The following ZCCHC7 variants were observed in gnomAD, a reference collection of about 807,000 sequenced individuals.
The protein encoded by ZCCHC7 is zinc finger CCHC-type containing 7, also known as zinc finger CCHC domain-containing protein 7.
A neutral mutation model predicts 52.0 loss-of-function variants in ZCCHC7; 35 were observed. That is an observed-to-expected ratio of 0.67 (90% CI 0.51 to 0.89). The LOEUF is 0.89. Ranked by LOEUF, ZCCHC7 falls within the 40% of genes least tolerant of loss-of-function variation. The pLI, the probability that ZCCHC7 is intolerant of heterozygous loss-of-function variation, is 0.00. For missense variants in ZCCHC7, 574 were observed against 649.1 expected, an observed-to-expected ratio of 0.88 and a Z score of 1.26; for synonymous variants, 217 against 221.5, an observed-to-expected ratio of 0.98 and a Z score of 0.18.
chr9:37,166,755 C>G (rs1363112687), intron 2 of ZCCHC7, among the ~76,000 whole-genome samples: 1 of 152,024 alleles, frequency 6.6e-6, no homozygotes, highest in Non-Finnish European at 1.5e-5. Flanking sequence ...TTTATTTTCT[C>G]TTTGTTCAAA....
chr9:37,205,119 T>C, intron 2 of ZCCHC7: 1 of 192,042 alleles, frequency 5.2e-6, no homozygotes, highest in South Asian at 1.0e-4. Flanking sequence ...TTAAGTGTGC[T>C]TTAGCACCTG....
chr9:37,253,507 C>T (rs924569965), intron 2 of ZCCHC7, among the ~76,000 whole-genome samples: 11 of 151,950 alleles, frequency 7.2e-5, no homozygotes, highest in African/African-American at 2.7e-4. Context: ...ACAGATGTGA[C>T]TGAAACACAT....
At chr9:37,122,612 C>CA (rs911496259) in intron 1 of ZCCHC7, among the ~76,000 whole-genome samples, 1 of 152,156 alleles carries the variant, frequency 6.6e-6, no homozygotes, top group Non-Finnish European at 1.5e-5. Flanking sequence ...GGTTTTTCTT[C>CA]AAAAAATCTT....
intron 2 of ZCCHC7, chr9:37,205,454 T>C (rs1823853930): frequency 6.5e-6 from 1 of 153,618 alleles, no homozygotes; most frequent in African/African-American, 2.4e-5. Context: ...AGTGACTACA[T>C]AATATTTCAC....
chr9:37,295,623 C>T (rs1444844593), intron 2 of ZCCHC7, among the ~76,000 whole-genome samples: 1 of 152,070 alleles, frequency 6.6e-6, no homozygotes, highest in Non-Finnish European at 1.5e-5. Flanking sequence ...GAGAGAGAAC[C>T]TGAGTTGAGC....
intron 2 of ZCCHC7, among the ~76,000 whole-genome samples, chr9:37,256,569 T>C (rs1049306789): frequency 6.6e-6 from 1 of 152,206 alleles, no homozygotes; most frequent in Admixed American, 6.5e-5. Context: ...GGAATGTTCT[T>C]GAAGCAATAA....
chr9:37,289,559 G>A (rs1379829455), intron 2 of ZCCHC7, among the ~76,000 whole-genome samples: 1 of 152,068 alleles, frequency 6.6e-6, no homozygotes, highest in African/African-American at 2.4e-5. Flanking sequence ...CTGGTCAGAG[G>A]TACTATCTTT....
chr9:37,330,744 A>C (rs1272199311), intron 6 of ZCCHC7, among the ~76,000 whole-genome samples: 1 of 151,502 alleles, frequency 6.6e-6, no homozygotes, highest in South Asian at 2.1e-4. Flanking sequence ...TCATCTTTCA[A>C]ATAACTCATT....
At chr9:37,126,284 A>G (rs752999630) in intron 1 of ZCCHC7, 28 bp from the exon 2 acceptor site, 4 of 1,562,056 alleles carry the variant, frequency 2.6e-6, no homozygotes, top group Non-Finnish European at 3.5e-6. Context: ...TTTAAAGTAT[A>G]TTCTGTGTAC....
chr9:37,172,999 G>A (rs548683025), intron 2 of ZCCHC7, among the ~76,000 whole-genome samples: 3 of 151,832 alleles, frequency 2.0e-5, no homozygotes, highest in Admixed American at 2.0e-4. Flanking sequence ...AGCAACGTGG[G>A]CATTCCAGTA....
chr9:37,123,264 A>T (rs1277842831), intron 1 of ZCCHC7, among the ~76,000 whole-genome samples: 1 of 151,938 alleles, frequency 6.6e-6, no homozygotes, highest in Non-Finnish European at 1.5e-5. Context: ...ATTGTCTTCC[A>T]AGACACTTTT....
intron 2 of ZCCHC7, chr9:37,187,033 C>G (rs574794041): frequency 5.0e-6 from 1 of 199,940 alleles, no homozygotes; most frequent in East Asian, 1.1e-4. Flanking sequence ...TTGTGTATAA[C>G]AAATACATTG....
At chr9:37,205,427 A>G (rs1202945835) in intron 2 of ZCCHC7, 1 of 157,578 alleles carries the variant, frequency 6.3e-6, no homozygotes, top group East Asian at 1.8e-4. Flanking sequence ...CAACTAGTAT[A>G]CTTTAATACA....
At chr9:37,220,474 G>A (rs1035672280) in intron 2 of ZCCHC7, among the ~76,000 whole-genome samples, 34 of 152,132 alleles carry the variant, frequency 2.2e-4, no homozygotes, top group African/African-American at 7.7e-4. Context: ...CCCGGGAGGC[G>A]AAAGTTGCAG....
chr9:37,316,922 G>T lies in ZCCHC7; in HGVS notation c.952-10877G>T, dbSNP rs143828643. ...AAAAAAAATTGCAGGCATATATAAA[G>T]AATTGGTAGATCAAAAAAAATAATA... On this transcript the variant is annotated intron_variant, in intron 5 of 8. Transcript: ENST00000336755. Among the ~76,000 whole-genome samples, 134 of 144,960 alleles carry T rather than the reference G, an allele frequency of 9.2e-4. 3 individuals carry two copies. In the East Asian group the frequency reaches 0.026, roughly 28 times the overall value.
intron 2 of ZCCHC7, among the ~76,000 whole-genome samples, chr9:37,244,017 C>A (rs1210474722): frequency 1.3e-5 from 2 of 151,820 alleles, no homozygotes; most frequent in Non-Finnish European, 3.0e-5. Flanking sequence ...TTTTTCACTT[C>A]ATTAAACAAT....
intron 2 of ZCCHC7, among the ~76,000 whole-genome samples, chr9:37,288,587 C>T (rs376562801): frequency 2.0e-5 from 3 of 152,146 alleles, no homozygotes; most frequent in Admixed American, 6.5e-5. Context: ...TCTTTTTAAT[C>T]CAGCCAGGTT....
chr9:37,256,012 G>A (rs1826568465), intron 2 of ZCCHC7, among the ~76,000 whole-genome samples: 1 of 152,034 alleles, frequency 6.6e-6, no homozygotes, highest in Non-Finnish European at 1.5e-5. Context: ...GACTTCTTCA[G>A]ATCAACATTA....
intron 2 of ZCCHC7, among the ~76,000 whole-genome samples, chr9:37,137,333 T>G (rs1170504862): frequency 6.6e-6 from 1 of 152,146 alleles, no homozygotes; most frequent in Non-Finnish European, 1.5e-5. Flanking sequence ...GAATTTGAGT[T>G]TCGAAAAATG....
Sources: gnomAD v4.1 joint callset for allele counts (sites outside exome capture counted in the v4.1 genomes callset) on GRCh38, gnomAD v4.1.1 for gene constraint, MANE v1.5 for transcripts, NCBI Gene and HGNC (gene_info 2026-07-23, HGNC 2026-07-21) for gene names.